DDAH1: variants seen among roughly 807,000 people sequenced by gnomAD.
DDAH1 encodes the protein dimethylarginine dimethylaminohydrolase 1, also known as N(G),N(G)-dimethylarginine dimethylaminohydrolase 1.
Under a neutral mutation model 28.8 loss-of-function variants are expected in DDAH1, and 19 were observed. The ratio of observed to expected loss-of-function variants is 0.66; its 90% confidence interval spans 0.46 to 0.97. The LOEUF (loss-of-function observed/expected upper bound fraction) is 0.97, where lower values mean the gene tolerates loss of function less well. Ranked by LOEUF, DDAH1 falls within the 50% of genes least tolerant of loss-of-function variation. The pLI is 0.00. For synonymous variants in DDAH1, 153 were observed against 154.4 expected (o/e 0.99, Z 0.07); for missense variants, 326 against 375.9 (o/e 0.87, Z 1.10).
intron 2 of DDAH1, among the ~76,000 whole-genome samples, chr1:85,353,924 C>G (rs2100848726): frequency 6.6e-6 from 1 of 151,750 alleles, no homozygotes. Flanking sequence ...GTGTTCGGAG[C>G]GTGATGTGGG....
At chr1:85,544,849 A>C (rs1212344576) in intron 1 of DDAH1, among the ~76,000 whole-genome samples, 2 of 152,170 alleles carry the variant, frequency 1.3e-5, no homozygotes, top group Non-Finnish European at 2.9e-5. Context: ...TTGGCTCTAG[A>C]GGAGTCCCCT....
At chr1:85,412,265 C>T (rs1480475795) in intron 1 of DDAH1, among the ~76,000 whole-genome samples, 3 of 152,190 alleles carry the variant, frequency 2.0e-5, no homozygotes, top group East Asian at 1.9e-4. Flanking sequence ...GAGGCTCTAA[C>T]GCTATTTGTT....
chr1:85,491,982 A>G (rs1656421345), intron 2 of DDAH1, among the ~76,000 whole-genome samples: 1 of 152,220 alleles, frequency 6.6e-6, no homozygotes, highest in African/African-American at 2.4e-5. Flanking sequence ...AGTATCTACT[A>G]AATTTCAGGT....
intron 1 of DDAH1, among the ~76,000 whole-genome samples, chr1:85,427,683 A>G (rs544175736): frequency 6.6e-6 from 1 of 152,334 alleles, no homozygotes; most frequent in African/African-American, 2.4e-5. Context: ...AAACAAACAC[A>G]GTGTAAATAT....
chr1:85,367,327 A>T (rs1418985667), intron 1 of DDAH1, among the ~76,000 whole-genome samples: 1 of 152,096 alleles, frequency 6.6e-6, no homozygotes, highest in East Asian at 1.9e-4. Flanking sequence ...TTTTCCCTGA[A>T]GTCCTGTTCT....
Position 85,435,555 on chromosome 1 carries a change from T to A in DDAH1, c.303+29188A>T, listed in dbSNP as rs539079207. On this transcript the variant is annotated intron_variant, in intron 1 of 5. Coordinates refer to ENST00000284031, the MANE Select transcript of DDAH1 (RefSeq NM_012137.4). ...ATAAGTACAACAAGTAAATGTAGTA[T>A]GTGAGAAGGTAGTAAGTCCTACGGA... Among the ~76,000 whole-genome samples the A allele has an allele frequency of 4.6e-5, 7 of 152,242 alleles. No homozygotes were observed. In the South Asian group the frequency reaches 1.5e-3, roughly 32 times the overall value.
chr1:85,389,219 G>A (rs1475607167), intron 1 of DDAH1, among the ~76,000 whole-genome samples: 1 of 151,942 alleles, frequency 6.6e-6, no homozygotes, highest in Non-Finnish European at 1.5e-5. Flanking sequence ...GGGCAACAGA[G>A]TGAGATCCTG....
At chr1:85,520,403 A>G (rs1452386448) in intron 1 of DDAH1, among the ~76,000 whole-genome samples, 6 of 152,232 alleles carry the variant, frequency 3.9e-5, no homozygotes, top group Non-Finnish European at 8.8e-5. Flanking sequence ...ACTAGGGCAG[A>G]CAGGGAAATG....
At chr1:85,395,832 C>T (rs1463947679) in intron 1 of DDAH1, among the ~76,000 whole-genome samples, 1 of 151,956 alleles carries the variant, frequency 6.6e-6, no homozygotes, top group Admixed American at 6.5e-5. Flanking sequence ...TTAGGTTTTT[C>T]TAAAAATTAA....
intron 1 of DDAH1, among the ~76,000 whole-genome samples, chr1:85,561,299 A>G (rs1167389211): frequency 1.3e-5 from 2 of 152,184 alleles, no homozygotes; most frequent in African/African-American, 4.8e-5. Context: ...AGCAAGTACT[A>G]TAAGAGTGTT....
At chr1:85,441,282 C>T (rs1002369478) in intron 1 of DDAH1, among the ~76,000 whole-genome samples, 2 of 152,120 alleles carry the variant, frequency 1.3e-5, no homozygotes, top group Non-Finnish European at 2.9e-5. Flanking sequence ...GTGGCTCACG[C>T]CTGTAATCCC....
At chr1:85,569,245 AC>A (rs2100562730) in intron 1 of DDAH1, among the ~76,000 whole-genome samples, 1 of 152,334 alleles carries the variant, frequency 6.6e-6, no homozygotes, top group African/African-American at 2.4e-5. Flanking sequence ...TTTCCAGTCT[AC>A]AGTAAAAGTT....
chr1:85,445,813 C>G (rs1239869344), intron 1 of DDAH1, among the ~76,000 whole-genome samples: 1 of 152,092 alleles, frequency 6.6e-6, no homozygotes, highest in African/African-American at 2.4e-5. Context: ...GTTGCCTAGG[C>G]TGGTCTCAAT....
intron 1 of DDAH1, among the ~76,000 whole-genome samples, chr1:85,403,320 G>C (rs1652246038): frequency 6.6e-6 from 1 of 151,322 alleles, no homozygotes; most frequent in African/African-American, 2.4e-5. Flanking sequence ...AAGTAAAACA[G>C]AATAGTTATA....
chr1:85,383,011 T>G (rs1651073133), intron 1 of DDAH1, among the ~76,000 whole-genome samples: 2 of 152,216 alleles, frequency 1.3e-5, no homozygotes, highest in Admixed American at 1.3e-4. Flanking sequence ...GATTAATGCT[T>G]TTTTTACACC....
chr1:85,513,729 G>A (rs976786910), intron 1 of DDAH1, among the ~76,000 whole-genome samples: 2 of 152,180 alleles, frequency 1.3e-5, no homozygotes, highest in Admixed American at 1.3e-4. Flanking sequence ...AGACATTTAT[G>A]CAGCCAACAG....
Position 85,542,445 on chromosome 1 carries a change from A to G in DDAH1, c.-123+35539T>C, listed in dbSNP as rs146467946. 7.2e-5 allele frequency among the ~76,000 whole-genome samples: 11 copies of G among 152,276 alleles called. No individual in the cohort carries two copies. In the East Asian group the frequency reaches 1.9e-3, roughly 27 times the overall value. On this transcript the variant is annotated intron_variant, in intron 1 of 6. Transcript: ENST00000426972. ...TCAAACCTCTTCTCCAACTTCTCCT[A>G]TTTCCAGATATCTGGCTAGGAATTT...
intron 1 of DDAH1, among the ~76,000 whole-genome samples, chr1:85,552,532 G>A (rs915056759): frequency 5.9e-5 from 9 of 152,096 alleles, no homozygotes; most frequent in African/African-American, 2.2e-4. Flanking sequence ...ACTTCCTCAA[G>A]GAAGCTCCCT....
intron 1 of DDAH1, among the ~76,000 whole-genome samples, chr1:85,543,731 T>C (rs1658539277): frequency 6.6e-6 from 1 of 152,232 alleles, no homozygotes; most frequent in South Asian, 2.1e-4. Context: ...TTTATCCATA[T>C]ACATCTATAA....
Sources: gnomAD v4.1 joint callset for allele counts (sites outside exome capture counted in the v4.1 genomes callset) on GRCh38, gnomAD v4.1.1 for gene constraint, MANE v1.5 for transcripts, NCBI Gene and HGNC (gene_info 2026-07-23, HGNC 2026-07-21) for gene names.